Variants in KCNB2 observed in about 807,000 individuals in gnomAD.
The protein encoded by KCNB2 is delayed rectifier potassium channel protein.
In KCNB2, 15 loss-of-function variants were observed where a neutral mutation model predicts 61.5. The ratio of observed to expected loss-of-function variants is 0.24; its 90% confidence interval spans 0.16 to 0.38. KCNB2 has a LOEUF of 0.38. Ranked by LOEUF, KCNB2 falls within the 10% of genes least tolerant of loss-of-function variation. The probability of loss-of-function intolerance (pLI) is 1.00; values close to 1 mark genes in which losing one functional copy is unlikely to be tolerated. For synonymous variants in KCNB2, 457 were observed against 446.0 expected (o/e 1.02, Z -0.31); for missense variants, 828 against 1,125.2 (o/e 0.74, Z 3.78).
Position 72,848,288 on chromosome 8 carries a change from T to C in KCNB2, c.580-87647T>C, listed in dbSNP as rs998440628. Among the ~76,000 whole-genome samples, 4 of 152,320 alleles carry C rather than the reference T, an allele frequency of 2.6e-5. 1 individual carries two copies. ...CTTTGGCTCCAACCACCCCAGCCTT[T>C]AGTAGCTACTTGAATTGTTGGCTTT... On this transcript the variant is annotated intron_variant, in intron 2 of 2. Transcript: ENST00000523207.
intron 2 of KCNB2, among the ~76,000 whole-genome samples, chr8:72,651,856 T>G (rs1243429787): frequency 1.3e-5 from 2 of 152,112 alleles, no homozygotes; most frequent in Admixed American, 6.6e-5. Flanking sequence ...ATCTCTTTAT[T>G]TGAATGTTTA....
At chr8:72,635,978 G>A (rs974825497) in intron 2 of KCNB2, among the ~76,000 whole-genome samples, 4 of 152,160 alleles carry the variant, frequency 2.6e-5, no homozygotes, top group African/African-American at 9.7e-5. Flanking sequence ...GGGAAGAGTA[G>A]TACTGTACTT....
chr8:72,638,647 A>G (rs1331268773), intron 2 of KCNB2, among the ~76,000 whole-genome samples: 2 of 152,166 alleles, frequency 1.3e-5, no homozygotes, highest in Non-Finnish European at 2.9e-5. Context: ...ACAAGCCGGC[A>G]GTGTCCCCAA....
chr8:72,665,101 G>A (rs1184612698), intron 2 of KCNB2, among the ~76,000 whole-genome samples: 2 of 152,204 alleles, frequency 1.3e-5, no homozygotes, highest in African/African-American at 4.8e-5. Flanking sequence ...CCACCGGAGG[G>A]TATTGACTGG....
At chr8:72,868,102 C>G (rs886452453) in intron 2 of KCNB2, among the ~76,000 whole-genome samples, 1 of 147,598 alleles carries the variant, frequency 6.8e-6, no homozygotes, top group African/African-American at 2.5e-5. Flanking sequence ...GACAGGGTCT[C>G]ACTCCATTGC....
chr8:72,730,327 C>A (rs1807720150), intron 2 of KCNB2, among the ~76,000 whole-genome samples: 1 of 152,106 alleles, frequency 6.6e-6, no homozygotes, highest in African/African-American at 2.4e-5. Context: ...TAAATTTTAA[C>A]CTGGATATCT....
chr8:72,865,877 G>A (rs1805508588), intron 2 of KCNB2, among the ~76,000 whole-genome samples: 1 of 152,086 alleles, frequency 6.6e-6, no homozygotes, highest in Admixed American at 6.5e-5. Flanking sequence ...TTGGTGTTCA[G>A]TGCTACTTGT....
intron 2 of KCNB2, among the ~76,000 whole-genome samples, chr8:72,859,236 A>T (rs1157544020): frequency 6.6e-6 from 1 of 152,202 alleles, no homozygotes; most frequent in Non-Finnish European, 1.5e-5. Flanking sequence ...CATAAGAAGG[A>T]GTTGACTTGA....
intron 1 of KCNB2, among the ~76,000 whole-genome samples, chr8:72,546,096 T>C (rs1202917928): frequency 2.0e-5 from 3 of 152,226 alleles, no homozygotes; most frequent in African/African-American, 7.2e-5. Flanking sequence ...CCTGGTTTGC[T>C]ATCTTAGAAG....
At chr8:72,930,858 A>C (rs1208206748) in intron 2 of KCNB2, among the ~76,000 whole-genome samples, 1 of 152,208 alleles carries the variant, frequency 6.6e-6, no homozygotes, top group Non-Finnish European at 1.5e-5. Flanking sequence ...TGTTTTAGAC[A>C]TGAAGTCCTT....
At chr8:72,922,288 A>G (rs1022015597) in intron 2 of KCNB2, among the ~76,000 whole-genome samples, 9 of 152,174 alleles carry the variant, frequency 5.9e-5, no homozygotes, top group African/African-American at 2.2e-4. Context: ...TCCTAATTGA[A>G]TATGACCTCA....
At chr8:72,760,929 T>C (rs1808368284) in intron 2 of KCNB2, among the ~76,000 whole-genome samples, 1 of 152,136 alleles carries the variant, frequency 6.6e-6, no homozygotes, top group Non-Finnish European at 1.5e-5. Flanking sequence ...GCTCATCACC[T>C]CCCTGCTGCA....
intron 2 of KCNB2, among the ~76,000 whole-genome samples, chr8:72,847,629 T>A (rs1810017747): frequency 2.6e-5 from 4 of 152,232 alleles, no homozygotes; most frequent in Admixed American, 2.6e-4. Flanking sequence ...TTTCATTTGA[T>A]GGACTCATCT....
At chr8:72,651,004 A>G (rs900243367) in intron 2 of KCNB2, among the ~76,000 whole-genome samples, 1 of 152,174 alleles carries the variant, frequency 6.6e-6, no homozygotes, top group Non-Finnish European at 1.5e-5. Context: ...GTCAAAATTG[A>G]CATTCATTTT....
In KCNB2 at chr8:72,835,948, G is replaced by A. The variant is rs188008565; in HGVS notation, c.580-99987G>A. Among the ~76,000 whole-genome samples, 1,065 of 152,234 alleles carry A rather than the reference G, an allele frequency of 7.0e-3. 9 individuals are homozygous for A. Among genetic ancestry groups the A allele is most frequent in the South Asian group, 0.032 (154 of 4,814 alleles). On this transcript the variant is annotated intron_variant, in intron 2 of 2. Transcript: ENST00000523207. The stretch of plus-strand genomic sequence containing the variant: ...AACATATGTCAGTCTTGCTCTCACT[G>A]CCTTTTTCCTTGTCTTTTTGTAATA...
intron 2 of KCNB2, among the ~76,000 whole-genome samples, chr8:72,655,362 G>T (rs1806274793): frequency 6.6e-6 from 1 of 151,984 alleles, no homozygotes; most frequent in Admixed American, 6.6e-5. Flanking sequence ...TTATTACCTG[G>T]GAGATGAAAT....
chr8:72,565,448 A>T lies in KCNB2; in HGVS notation c.-93-2194A>T, dbSNP rs577881354. Among the ~76,000 whole-genome samples the T allele has an allele frequency of 5.3e-3, 802 of 152,300 alleles. 4 individuals carry two copies. The highest frequency in any genetic ancestry group is 9.5e-3 in the Non-Finnish European group (649 of 68,018). ...GTATAAGCTGTTGACTGTGTGAAAC[A>T]TGATGTTTTACATTAAAGGTGGTAT... On this transcript the variant is annotated intron_variant, in intron 1 of 2. Coordinates refer to ENST00000523207, the MANE Select transcript of KCNB2 (RefSeq NM_004770.3).
At chr8:72,621,472 T>C (rs1396342409) in intron 2 of KCNB2, among the ~76,000 whole-genome samples, 2 of 152,228 alleles carry the variant, frequency 1.3e-5, no homozygotes, top group Non-Finnish European at 2.9e-5. Flanking sequence ...TTTTGTCTTT[T>C]TATACCATAG....
intron 2 of KCNB2, among the ~76,000 whole-genome samples, chr8:72,641,842 G>T (rs564751218): frequency 6.6e-6 from 1 of 152,144 alleles, no homozygotes; most frequent in Non-Finnish European, 1.5e-5. Flanking sequence ...ATATGTAAGT[G>T]CCTAGGATAA....
Sources: gnomAD v4.1 joint callset for allele counts (sites outside exome capture counted in the v4.1 genomes callset) on GRCh38, gnomAD v4.1.1 for gene constraint, MANE v1.5 for transcripts, NCBI Gene and HGNC (gene_info 2026-07-23, HGNC 2026-07-21) for gene names.